The following ZNF618 variants were observed in gnomAD, a reference collection of about 807,000 sequenced individuals.
The protein encoded by ZNF618 is zinc finger protein 618.
Under a neutral mutation model 103.0 loss-of-function variants are expected in ZNF618, and 34 were observed. The observed-to-expected ratio is 0.33, with a 90% confidence interval of 0.25 to 0.44. The LOEUF (loss-of-function observed/expected upper bound fraction) is 0.44, where lower values mean the gene tolerates loss of function less well. ZNF618 is among the 20% of genes least tolerant of loss of function. The probability of loss-of-function intolerance (pLI) is 1.00; values close to 1 mark genes in which losing one functional copy is unlikely to be tolerated. For synonymous variants in ZNF618, 551 were observed against 542.2 expected (o/e 1.02, Z -0.23); for missense variants, 1,059 against 1,295.4 (o/e 0.82, Z 2.80).
intron 1 of ZNF618, among the ~76,000 whole-genome samples, chr9:113,884,166 G>A (rs1026041911): frequency 6.6e-6 from 1 of 152,120 alleles, no homozygotes; most frequent in Non-Finnish European, 1.5e-5. Context: ...CTGTAAATGG[G>A]GGAGGGGGGT....
intron 2 of ZNF618, among the ~76,000 whole-genome samples, chr9:113,976,200 T>C (rs1308349240): frequency 6.6e-6 from 1 of 152,210 alleles, no homozygotes; most frequent in Non-Finnish European, 1.5e-5. Context: ...ACTTGAACTT[T>C]GGGTGGTCCA....
chr9:114,047,045 A>G (rs747752176), intron 13 of ZNF618, among the ~76,000 whole-genome samples: 1 of 152,220 alleles, frequency 6.6e-6, no homozygotes. Context: ...GATATATCGT[A>G]TATGATAGAA....
At chr9:113,999,307 C>T (rs193031041) in intron 4 of ZNF618, among the ~76,000 whole-genome samples, 7 of 141,540 alleles carry the variant, frequency 4.9e-5, no homozygotes, top group East Asian at 2.0e-4. Flanking sequence ...TAGGGGCAGG[C>T]GGGGCCCTGG....
At chr9:113,944,706 CATA>C (rs1834851765) in intron 1 of ZNF618, among the ~76,000 whole-genome samples, 1 of 152,174 alleles carries the variant, frequency 6.6e-6, no homozygotes, top group Non-Finnish European at 1.5e-5. Context: ...AATTAATTTT[CATA>C]ACATATTTTA....
rs931906348 is a variant in ZNF618, at chr9:113,918,440, A to G, written c.33+42027A>G. ...TTTCTATCCACTAATTTTAGCATCTATTGTTGCTTCTTGCCTACAACAGTG... is the reference window on the plus strand; with the variant it reads ...TTTCTATCCACTAATTTTAGCATCTGTTGTTGCTTCTTGCCTACAACAGTG... On this transcript the variant is annotated intron_variant, in intron 1 of 14. Transcript: ENST00000374126. Among the ~76,000 whole-genome samples, 11 of 152,172 alleles carry G rather than the reference A, an allele frequency of 7.2e-5. No individual in the cohort carries two copies. The East Asian group carries it at 1.9e-3, about 27-fold the overall frequency.
At chr9:113,959,287 C>CA (rs61697954) in intron 1 of ZNF618, among the ~76,000 whole-genome samples, 9,033 of 142,292 alleles carry the variant, frequency 0.063, 355 homozygotes, top group African/African-American at 0.12. Context: ...AACTCTGTCT[C>CA]AAAAAAAAAA....
Position 114,007,263 on chromosome 9 carries a change from T to C in ZNF618, c.551-87T>C, listed in dbSNP as rs909259503. Reference sequence around the variant, plus strand: ...TAGCCAGACTGGGCTAGTTTCATCTTTGGTTTCTGAGATGATCTGGCCAGA... The same window carrying C: ...TAGCCAGACTGGGCTAGTTTCATCTCTGGTTTCTGAGATGATCTGGCCAGA... On this transcript the variant is annotated intron_variant, in intron 6 of 14. Coordinates refer to ENST00000374126, the MANE Select transcript of ZNF618 (RefSeq NM_001318042.2). 1.6e-5 allele frequency: 18 copies of C among 1,137,166 alleles called. No homozygotes were observed. In the Admixed American group the frequency reaches 3.8e-4, roughly 24 times the overall value. 70.4% of individuals were successfully genotyped at this position (1,137,166 alleles called of 1,614,324 possible).
rs1480916536 is a variant in ZNF618 at position 113,913,975 on chromosome 9, C to T, written c.33+37562C>T. On this transcript the variant is annotated intron_variant, in intron 1 of 14. Coordinates refer to ENST00000374126, the MANE Select transcript of ZNF618 (RefSeq NM_001318042.2). ...ACTGTGTCTTAGAAATTCACAGTGG[C>T]CATTGGGTCTTTAAAGGCTCTGAAA... is the stretch of plus-strand genomic sequence containing the variant. Among the ~76,000 whole-genome samples the T allele has an allele frequency of 3.3e-5, 5 of 152,058 alleles. No homozygotes were observed. The East Asian group carries it at 9.6e-4, about 29-fold the overall frequency.
intron 1 of ZNF618, among the ~76,000 whole-genome samples, chr9:113,898,022 A>G (rs1266850353): frequency 6.6e-6 from 1 of 152,036 alleles, no homozygotes; most frequent in Non-Finnish European, 1.5e-5. Context: ...TGAACTCCTG[A>G]CCTCAGATGA....
chr9:114,039,130 T>C (rs1844894056), intron 13 of ZNF618, among the ~76,000 whole-genome samples: 1 of 152,178 alleles, frequency 6.6e-6, no homozygotes, highest in South Asian at 2.1e-4. Context: ...ACATCCACCC[T>C]GTGCAGCCTC....
In ZNF618 at chr9:114,047,875, T is replaced by C; in HGVS notation, c.1247-18T>C. The C allele has an allele frequency of 6.3e-7, 1 of 1,582,306 alleles. No homozygotes were observed. ...TCTTACCCTTCCAGGTAACACACTG[T>C]CCCCTTTGTGCCCACAGCTGACAAT... On this transcript the variant is annotated intron_variant, in intron 13 of 14. Coordinates refer to ENST00000374126, the MANE Select transcript of ZNF618 (RefSeq NM_001318042.2).
chr9:114,044,206 TGA>T (rs1845461259), intron 13 of ZNF618, among the ~76,000 whole-genome samples: 1 of 152,180 alleles, frequency 6.6e-6, no homozygotes, highest in Admixed American at 6.5e-5. Context: ...TGATCCATCT[TGA>T]GTTGATTTTT....
intron 1 of ZNF618, among the ~76,000 whole-genome samples, chr9:113,947,875 C>G (rs994405783): frequency 1.3e-5 from 2 of 152,120 alleles, no homozygotes; most frequent in African/African-American, 4.8e-5. Context: ...GCAAGAAAAC[C>G]ACAGCTGCCT....
intron 13 of ZNF618, 79 bp downstream of exon 13, chr9:114,036,456 G>A (rs1844620344): frequency 2.1e-6 from 3 of 1,447,568 alleles, no homozygotes; most frequent in Non-Finnish European, 1.9e-6. Context: ...CCTGACCTGA[G>A]GCCCCTGGAG....
rs888810895 is a variant in ZNF618 at position 114,054,949 on chromosome 9, C to T, written c.*4782C>T. The T allele has an allele frequency of 2.9e-5, 4 of 139,048 alleles. No homozygotes were observed. The highest frequency in any genetic ancestry group is 2.6e-4 in the East Asian group (1 of 3,828). 8.6% of individuals were successfully genotyped at this position (139,048 alleles called of 1,614,324 possible). ...CCCGTCCCTTCCCCCCCCACCCCCCCGCCCACCCACCACGGGTGTCGCTTT... is the reference window on the plus strand; with the variant it reads ...CCCGTCCCTTCCCCCCCCACCCCCCTGCCCACCCACCACGGGTGTCGCTTT... On this transcript the variant is annotated 3_prime_UTR_variant, in exon 15 of 15. Transcript: ENST00000374126.
chr9:113,983,339 A>C (rs906194033), intron 2 of ZNF618, among the ~76,000 whole-genome samples: 7 of 152,240 alleles, frequency 4.6e-5, no homozygotes, highest in Non-Finnish European at 7.3e-5. Flanking sequence ...TTAAATGCAA[A>C]GCATTTGAGA....
chr9:113,911,094 A>T (rs945058157), intron 1 of ZNF618, among the ~76,000 whole-genome samples: 8 of 152,218 alleles, frequency 5.3e-5, no homozygotes, highest in African/African-American at 1.9e-4. Flanking sequence ...TTGGCCTTCC[A>T]AAGTGCTGGG....
In ZNF618 at chr9:114,048,658, C is replaced by T; in HGVS notation, c.1356C>T (p.Thr452=). 1 of 1,609,130 alleles carries T rather than the reference C, an allele frequency of 6.2e-7. No homozygotes were observed. Among genetic ancestry groups the T allele is most frequent in the Non-Finnish European group, 8.5e-7 (1 of 1,176,418 alleles). The part of the protein sequence containing the change: ...AQRNSANNTT[T]SGLTPNSMIP... ...CTTTGTGTCCTCTGCCAGCCACTAC[C>T]AGTGGTTTAACACCCAACAGCATGA... The change falls in exon 15 of 15, where the codon ACC becomes ACT. Residue 452 remains threonine, a synonymous_variant. Transcript: ENST00000374126.
At chr9:113,911,377 A>G (rs1245054287) in intron 1 of ZNF618, among the ~76,000 whole-genome samples, 1 of 151,846 alleles carries the variant, frequency 6.6e-6, no homozygotes, top group Non-Finnish European at 1.5e-5. Flanking sequence ...CACCCAGGCT[A>G]GAGTACAATG....
Sources: allele counts gnomAD v4.1 joint callset (sites outside exome capture counted in the v4.1 genomes callset), GRCh38; gene constraint gnomAD v4.1.1; transcripts MANE v1.5; gene names NCBI Gene and HGNC (gene_info 2026-07-23, HGNC 2026-07-21).